Variants in EXOC1L observed in about 807,000 individuals in gnomAD.
EXOC1L encodes the protein exocyst complex component 1 like.
Under a neutral mutation model 4.9 loss-of-function variants are expected in EXOC1L, and 10 were observed. That is an observed-to-expected ratio of 2.02 (90% confidence interval 1.25 to 3.43). The LOEUF (loss-of-function observed/expected upper bound fraction) is 3.43. Ranked by LOEUF, EXOC1L falls within the 30% of genes most tolerant of loss-of-function variation. The pLI is 0.00. For missense variants in EXOC1L, 114 were observed against 59.4 expected, an observed-to-expected ratio of 1.92 and a Z score of -3.02; for synonymous variants, 41 against 20.8, an observed-to-expected ratio of 1.97 and a Z score of -2.63.
At chr4:55,828,140 T>C (rs1186897867) in intron 1 of EXOC1L, among the ~76,000 whole-genome samples, 4 of 152,200 alleles carry the variant, frequency 2.6e-5, no homozygotes, top group African/African-American at 9.6e-5. Flanking sequence ...TCCTGGAATA[T>C]GTGATCTCCA....
At chr4:55,827,448 A>C (rs527534721) in intron 1 of EXOC1L, among the ~76,000 whole-genome samples, 1 of 152,296 alleles carries the variant, frequency 6.6e-6, no homozygotes, top group South Asian at 2.1e-4. Context: ...AACTGTAAGC[A>C]CAGGTTTTCT....
intron 2 of EXOC1L, among the ~76,000 whole-genome samples, chr4:55,833,454 C>A (rs1353031406): frequency 1.3e-5 from 2 of 151,860 alleles, no homozygotes; most frequent in East Asian, 1.9e-4. Flanking sequence ...GATAAGATTA[C>A]AAATTTTTTA....
chr4:55,830,517 C>T (rs571812184), intron 1 of EXOC1L, among the ~76,000 whole-genome samples: 1 of 152,122 alleles, frequency 6.6e-6, no homozygotes, highest in Non-Finnish European at 1.5e-5. Context: ...AGTAAATACT[C>T]CTTTATTATA....
intron 2 of EXOC1L, among the ~76,000 whole-genome samples, chr4:55,833,309 C>A (rs1720080707): frequency 6.6e-6 from 1 of 151,878 alleles, no homozygotes; most frequent in African/African-American, 2.4e-5. Context: ...AATATTACAT[C>A]AATTTTGCAT....
chr4:55,831,725 C>T (rs1179714885), intron 2 of EXOC1L, among the ~76,000 whole-genome samples: 1 of 152,034 alleles, frequency 6.6e-6, no homozygotes, highest in Non-Finnish European at 1.5e-5. Context: ...ATCTACCAGT[C>T]AATCCTGAAA....
intron 1 of EXOC1L, among the ~76,000 whole-genome samples, chr4:55,825,638 C>T (rs1577664126): frequency 6.6e-6 from 1 of 152,106 alleles, no homozygotes; most frequent in East Asian, 1.9e-4. Flanking sequence ...AATCACTTTC[C>T]TTCTCTTTCA....
At chr4:55,830,602 C>A (rs887609334) in intron 1 of EXOC1L, among the ~76,000 whole-genome samples, 1 of 150,552 alleles carries the variant, frequency 6.6e-6, no homozygotes, top group African/African-American at 2.5e-5. Context: ...TATATAAGAC[C>A]AAATGATTTT....
chr4:55,820,569 T>A (rs1719715434), intron 1 of EXOC1L, among the ~76,000 whole-genome samples: 1 of 152,218 alleles, frequency 6.6e-6, no homozygotes, highest in Non-Finnish European at 1.5e-5. Flanking sequence ...TCTGGAACAC[T>A]GGCATTCTCC....
At chr4:55,830,640 T>C (rs536884363) in intron 1 of EXOC1L, among the ~76,000 whole-genome samples, 3 of 152,210 alleles carry the variant, frequency 2.0e-5, no homozygotes, top group Non-Finnish European at 4.4e-5. Flanking sequence ...TCCCTCATTT[T>C]GTTCCCACAA....
Position 55,819,897 on chromosome 4 carries a change from A to C in EXOC1L, c.-130A>C, listed in dbSNP as rs1374309759. ...GGCTCTGGCTAGGAATGAGAAGTTA[A>C]GAGAGGGAGGGCTGAGAGGTGGGCA... is the stretch of plus-strand genomic sequence containing the variant. On this transcript the variant is annotated 5_prime_UTR_variant, in exon 1 of 3. The change abolishes the stop of an existing upstream ORF in the 5' untranslated region. Coordinates refer to ENST00000636125, the MANE Select transcript of EXOC1L (RefSeq NM_001351574.3). 3 of 389,786 alleles carry C rather than the reference A, an allele frequency of 7.7e-6. No homozygotes were observed. Among genetic ancestry groups the C allele is most frequent in the Non-Finnish European group, 9.0e-6 (2 of 221,024 alleles). The allele number at this position is 389,786 out of a possible 1,614,324, so 24.1% of individuals were successfully genotyped here.
intron 1 of EXOC1L, among the ~76,000 whole-genome samples, chr4:55,823,691 TTTTGTTTG>T (rs201549199): frequency 7.3e-6 from 1 of 137,070 alleles, no homozygotes; most frequent in Admixed American, 7.1e-5. Flanking sequence ...CAAGGCTGTT[TTTTGTTTG>T]TTTGTTTGTT....
At chr4:55,833,987 A>G (rs1044192514) in intron 2 of EXOC1L, among the ~76,000 whole-genome samples, 2 of 151,964 alleles carry the variant, frequency 1.3e-5, no homozygotes, top group Admixed American at 1.3e-4. Context: ...AAGTAAAAAT[A>G]CCCTGACTGT....
chr4:55,834,119 G>C (rs1720103509), intron 2 of EXOC1L, among the ~76,000 whole-genome samples: 1 of 151,844 alleles, frequency 6.6e-6, no homozygotes, highest in Middle Eastern at 3.4e-3. Flanking sequence ...ATTATTACAT[G>C]TTTTACATTT....
chr4:55,823,333 AC>A (rs1187685189), intron 1 of EXOC1L, among the ~76,000 whole-genome samples: 1 of 152,174 alleles, frequency 6.6e-6, no homozygotes, highest in East Asian at 1.9e-4. Context: ...TTCATTTGGG[AC>A]CACTGCTGCT....
chr4:55,826,957 C>T (rs559022947), intron 1 of EXOC1L, among the ~76,000 whole-genome samples: 1 of 152,322 alleles, frequency 6.6e-6, no homozygotes, highest in African/African-American at 2.4e-5. Context: ...TCGTAGGACT[C>T]ACCTTCTTCA....
rs1479265331 is a variant in EXOC1L at position 55,834,066 on chromosome 4, A to C, written c.252+2602A>C. 3.3e-5 allele frequency among the ~76,000 whole-genome samples: 5 copies of C among 151,984 alleles called. No individual in the cohort carries two copies. The East Asian group carries it at 9.7e-4, about 29-fold the overall frequency. ...GGTCAGCATTTATTACATTTTTTAC[A>C]TTTACATGATTGCATTTAATTTACA... On this transcript the variant is annotated intron_variant, in intron 2 of 2. Coordinates refer to ENST00000636125, the MANE Select transcript of EXOC1L (RefSeq NM_001351574.3).
chr4:55,825,945 C>T (rs1379478906), intron 1 of EXOC1L, among the ~76,000 whole-genome samples: 1 of 151,596 alleles, frequency 6.6e-6, no homozygotes, highest in East Asian at 1.9e-4. Context: ...ATTAGCTGGG[C>T]ATGGTGGTAG....
At chr4:55,826,840 T>C (rs1719897357) in intron 1 of EXOC1L, among the ~76,000 whole-genome samples, 1 of 152,230 alleles carries the variant, frequency 6.6e-6, no homozygotes, top group Non-Finnish European at 1.5e-5. Flanking sequence ...TCCTTAGCTA[T>C]AAAGGAAGCT....
Position 55,832,026 on chromosome 4 carries a change from T to C in EXOC1L, c.252+562T>C, listed in dbSNP as rs112036325. Among the ~76,000 whole-genome samples, 282 of 152,152 alleles carry C rather than the reference T, an allele frequency of 1.9e-3. 2 individuals carry two copies. Among genetic ancestry groups the C allele is most frequent in the African/African-American group, 6.1e-3 (252 of 41,532 alleles). ...CCCCTTGAACTTTCTACCTCCACAA[T>C]GCTCAAGTACTGGCTCCTGAGGCTT... On this transcript the variant is annotated intron_variant, in intron 2 of 2. Coordinates refer to ENST00000636125, the MANE Select transcript of EXOC1L (RefSeq NM_001351574.3).
Sources: gnomAD v4.1 joint callset for allele counts (sites outside exome capture counted in the v4.1 genomes callset) on GRCh38, gnomAD v4.1.1 for gene constraint, MANE v1.5 for transcripts, NCBI Gene and HGNC (gene_info 2026-07-23, HGNC 2026-07-21) for gene names.